SGCZ: variants seen among roughly 807,000 people sequenced by gnomAD.
The protein encoded by SGCZ is zeta-sarcoglycan.
In SGCZ, 40 loss-of-function variants were observed where a neutral mutation model predicts 41.3. That is an observed-to-expected ratio of 0.97 (90% confidence interval 0.75 to 1.26). The LOEUF is 1.26. Ranked by LOEUF, SGCZ falls within the 50% of genes most tolerant of loss-of-function variation. SGCZ has a pLI of 0.00. For synonymous variants in SGCZ, 206 were observed against 137.5 expected (o/e 1.50, Z -3.49); for missense variants, 552 against 369.8 (o/e 1.49, Z -4.04).
chr8:14,338,107 G>C (rs1249810507), intron 2 of SGCZ, among the ~76,000 whole-genome samples: 1 of 152,194 alleles, frequency 6.6e-6, no homozygotes, highest in African/African-American at 2.4e-5. Flanking sequence ...AAGAAGTCAA[G>C]ATTCCTTGCC....
In SGCZ at chr8:14,085,578, G is replaced by C. The variant is rs945264758; in HGVS notation, c.*4865C>G. On this transcript the variant is annotated 3_prime_UTR_variant, in exon 8 of 8. Transcript: ENST00000382080. Reference sequence around the variant, plus strand: ...TTAACAATTAAAAAATAGCCCTCTGGTTCTACAAGTATTTCAAATTTTATT... The same window carrying C: ...TTAACAATTAAAAAATAGCCCTCTGCTTCTACAAGTATTTCAAATTTTATT... Among the ~76,000 whole-genome samples the C allele has an allele frequency of 6.6e-6, 1 of 151,660 alleles. No individual in the cohort carries two copies. The highest frequency in any genetic ancestry group is 6.6e-5 in the Admixed American group (1 of 15,178).
chr8:15,104,740 G>A lies in SGCZ; in HGVS notation c.39+132845C>T, dbSNP rs7357358. On this transcript the variant is annotated intron_variant, in intron 1 of 7. Transcript: ENST00000382080. ...AGCTTCCCAATAACAACATATAGAA[G>A]TGTACCCATGTTCCATAGAATGACT... Among the ~76,000 whole-genome samples the A allele has an allele frequency of 6.4e-3, 979 of 152,192 alleles. 11 individuals are homozygous for A. Among genetic ancestry groups the A allele is most frequent in the African/African-American group, 0.018 (743 of 41,508 alleles).
At chr8:14,583,100 G>T (rs1213163870) in intron 1 of SGCZ, among the ~76,000 whole-genome samples, 1 of 149,654 alleles carries the variant, frequency 6.7e-6, no homozygotes, top group Admixed American at 6.7e-5. Context: ...TTCCACAATG[G>T]TTGAACTAGT....
At chr8:14,971,656 T>C (rs1392557489) in intron 1 of SGCZ, among the ~76,000 whole-genome samples, 2 of 148,660 alleles carry the variant, frequency 1.3e-5, no homozygotes, top group Non-Finnish European at 1.5e-5. Context: ...TTTTTTTTTT[T>C]TTTTTTTTTA....
intron 1 of SGCZ, among the ~76,000 whole-genome samples, chr8:15,066,449 T>G (rs1805152861): frequency 6.6e-6 from 1 of 152,208 alleles, no homozygotes; most frequent in African/African-American, 2.4e-5. Flanking sequence ...TAATGTTTTA[T>G]TTTTAAATCT....
chr8:14,249,843 C>G (rs1222254422), intron 3 of SGCZ, among the ~76,000 whole-genome samples: 1 of 152,106 alleles, frequency 6.6e-6, no homozygotes. Flanking sequence ...GCCCCTGAGC[C>G]TCCTTGCAAG....
intron 5 of SGCZ, among the ~76,000 whole-genome samples, chr8:14,153,954 C>T (rs1327090532): frequency 1.3e-5 from 2 of 151,980 alleles, no homozygotes; most frequent in Admixed American, 6.6e-5. Flanking sequence ...CACACACACA[C>T]ACACACATAT....
At chr8:14,196,197 A>G (rs1048829275) in intron 4 of SGCZ, among the ~76,000 whole-genome samples, 1 of 152,112 alleles carries the variant, frequency 6.6e-6, no homozygotes, top group Non-Finnish European at 1.5e-5. Context: ...CATTAAAGCA[A>G]TCAGTAAAAT....
chr8:14,243,084 G>A (rs772345229), intron 3 of SGCZ, among the ~76,000 whole-genome samples: 1 of 152,054 alleles, frequency 6.6e-6, no homozygotes, highest in Non-Finnish European at 1.5e-5. Flanking sequence ...AAATGAGGAG[G>A]GTATGTTATA....
intron 1 of SGCZ, among the ~76,000 whole-genome samples, chr8:14,923,822 A>G (rs1028964444): frequency 6.6e-6 from 1 of 152,214 alleles, no homozygotes; most frequent in Non-Finnish European, 1.5e-5. Flanking sequence ...TACAAGCACA[A>G]CTAAAATGAA....
chr8:15,151,040 T>A (rs1422315931), intron 1 of SGCZ, among the ~76,000 whole-genome samples: 1 of 152,232 alleles, frequency 6.6e-6, no homozygotes, highest in African/African-American at 2.4e-5. Flanking sequence ...ACGTTCTATC[T>A]CTTTCTCTGA....
chr8:14,120,820 G>A (rs1028138824), intron 5 of SGCZ, among the ~76,000 whole-genome samples: 1 of 152,060 alleles, frequency 6.6e-6, no homozygotes, highest in African/African-American at 2.4e-5. Flanking sequence ...ATAACCATAT[G>A]TAAGATTATC....
chr8:15,204,818 A>C (rs141327451), intron 1 of SGCZ, among the ~76,000 whole-genome samples: 2 of 152,314 alleles, frequency 1.3e-5, no homozygotes, highest in African/African-American at 2.4e-5. Flanking sequence ...TTAATTGTTT[A>C]ACTACCACTC....
chr8:14,154,956 C>T (rs1298433674), intron 5 of SGCZ, among the ~76,000 whole-genome samples: 1 of 152,116 alleles, frequency 6.6e-6, no homozygotes, highest in Non-Finnish European at 1.5e-5. Context: ...CCCAGTGGAG[C>T]AGGTATCAGC....
intron 1 of SGCZ, among the ~76,000 whole-genome samples, chr8:15,149,595 G>T (rs1799122858): frequency 6.7e-6 from 1 of 149,706 alleles, no homozygotes; most frequent in Admixed American, 6.8e-5. Flanking sequence ...AAACAACAAT[G>T]AAATATCATT....
At chr8:14,336,926 C>T (rs1309390791) in intron 2 of SGCZ, among the ~76,000 whole-genome samples, 1 of 152,136 alleles carries the variant, frequency 6.6e-6, no homozygotes, top group Non-Finnish European at 1.5e-5. Context: ...GTCACCACAT[C>T]CCACACACTT....
chr8:15,234,394 CA>C (rs1013697909), intron 1 of SGCZ, among the ~76,000 whole-genome samples: 125 of 152,196 alleles, frequency 8.2e-4, no homozygotes, highest in Middle Eastern at 3.4e-3. Context: ...AACACCAGGG[CA>C]AAATCCAGAG....
chr8:15,054,556 G>A (rs571903405), intron 1 of SGCZ, among the ~76,000 whole-genome samples: 1 of 152,320 alleles, frequency 6.6e-6, no homozygotes, highest in East Asian at 1.9e-4. Context: ...CGAAGCCGTA[G>A]TATATAACAG....
At chr8:14,820,297 T>C (rs150927691) in intron 1 of SGCZ, among the ~76,000 whole-genome samples, 1 of 152,108 alleles carries the variant, frequency 6.6e-6, no homozygotes, top group East Asian at 1.9e-4. Flanking sequence ...TGGGATCAAT[T>C]CAATAAGAGT....
Sources: gnomAD v4.1 joint callset for allele counts (sites outside exome capture counted in the v4.1 genomes callset) on GRCh38, gnomAD v4.1.1 for gene constraint, MANE v1.5 for transcripts, NCBI Gene and HGNC (gene_info 2026-07-23, HGNC 2026-07-21) for gene names.